The following DEFB1 variants were observed in gnomAD, a reference collection of about 807,000 sequenced individuals.
The protein encoded by DEFB1 is beta-defensin 1.
DEFB1 carries 4 observed loss-of-function variants against 2.6 expected under a neutral mutation model. The observed-to-expected ratio is 1.53, with a 90% CI of 0.76 to 3.51. The LOEUF (loss-of-function observed/expected upper bound fraction) is 3.51. Among genes scored for constraint, DEFB1 ranks in the 30% most tolerant of loss-of-function variants. The probability of loss-of-function intolerance (pLI) is 0.01; values close to 1 mark genes in which losing one functional copy is unlikely to be tolerated. For missense variants in DEFB1, 162 were observed against 76.9 expected, an observed-to-expected ratio of 2.11 and a Z score of -4.14; for synonymous variants, 56 against 28.5, an observed-to-expected ratio of 1.96 and a Z score of -3.07.
chr8:6,873,630 C>A (rs1380997071), intron 1 of DEFB1, among the ~76,000 whole-genome samples: 1 of 152,120 alleles, frequency 6.6e-6, no homozygotes, highest in Non-Finnish European at 1.5e-5. Context: ...CACATGTTCT[C>A]AGTTATAAGT....
chr8:6,873,554 G>T (rs1806402003), intron 1 of DEFB1, among the ~76,000 whole-genome samples: 1 of 152,214 alleles, frequency 6.6e-6, no homozygotes, highest in Admixed American at 6.5e-5. Flanking sequence ...GTCCTTTGCA[G>T]CAACACAGAT....
Position 6,872,173 on chromosome 8 carries a change from C to G in DEFB1, c.62-1347G>C, listed in dbSNP as rs117820177. Among the ~76,000 whole-genome samples the G allele has an allele frequency of 5.1e-3, 768 of 151,954 alleles. 3 individuals are homozygous for G. The highest frequency in any genetic ancestry group is 8.5e-3 in the Non-Finnish European group (578 of 67,960). On this transcript the variant is annotated intron_variant, in intron 1 of 1. Coordinates refer to ENST00000297439, the MANE Select transcript of DEFB1 (RefSeq NM_005218.4). The stretch of plus-strand genomic sequence containing the variant: ...TGTGTTTAAGTTGGCCAGTACACTT[C>G]CCAAAGTTTGAAGCCTGGTATCAAT...
At chr8:6,876,820 A>C (rs1806547538) in intron 1 of DEFB1, among the ~76,000 whole-genome samples, 1 of 94,112 alleles carries the variant, frequency 1.1e-5, no homozygotes. Context: ...AAGCAAAGCA[A>C]AAACAAAAAC....
chr8:6,871,023 GC>G (rs1806292055), intron 1 of DEFB1, among the ~76,000 whole-genome samples, 197 bp from the exon 2 acceptor site: 1 of 152,254 alleles, frequency 6.6e-6, no homozygotes, highest in African/African-American at 2.4e-5. Context: ...GGCTATGCCA[GC>G]TGTGGCCAAA....
chr8:6,877,766 A>C (rs1225095417), intron 1 of DEFB1, 31 bp downstream of exon 1: 18 of 1,594,762 alleles, frequency 1.1e-5, no homozygotes, highest in Non-Finnish European at 1.5e-5. Context: ...AGCCCTGGGG[A>C]TGGGAAACTC....
At chr8:6,876,745 G>C (rs1316629469) in intron 1 of DEFB1, among the ~76,000 whole-genome samples, 1 of 151,094 alleles carries the variant, frequency 6.6e-6, no homozygotes, top group African/African-American at 2.4e-5. Flanking sequence ...AGAGGCTGCA[G>C]TGAGGCGAGA....
At chr8:6,875,045 C>T (rs1248816756) in intron 1 of DEFB1, among the ~76,000 whole-genome samples, 3 of 144,934 alleles carry the variant, frequency 2.1e-5, no homozygotes, top group Admixed American at 7.0e-5. Flanking sequence ...AGTAACTTGA[C>T]CGTTACTTCA....
chr8:6,874,118 TAC>T (rs756827017), intron 1 of DEFB1, among the ~76,000 whole-genome samples: 21 of 120,218 alleles, frequency 1.7e-4, no homozygotes, highest in African/African-American at 5.0e-4. Flanking sequence ...ATATCTGACA[TAC>T]ACACACACAC....
intron 1 of DEFB1, among the ~76,000 whole-genome samples, chr8:6,877,318 C>T (rs1410089341): frequency 6.6e-6 from 1 of 152,190 alleles, no homozygotes; most frequent in African/African-American, 2.4e-5. Flanking sequence ...GGACCGCCTG[C>T]CTGCACAGGA....
At chr8:6,877,548 G>T (rs1806576961) in intron 1 of DEFB1, among the ~76,000 whole-genome samples, 1 of 152,224 alleles carries the variant, frequency 6.6e-6, no homozygotes, top group South Asian at 2.1e-4. Context: ...CCAGGACAAG[G>T]ATGCAGGCAG....
intron 1 of DEFB1, among the ~76,000 whole-genome samples, chr8:6,877,541 G>T (rs906015034): frequency 6.6e-6 from 1 of 152,224 alleles, no homozygotes; most frequent in African/African-American, 2.4e-5. Context: ...TACATGTCCA[G>T]GACAAGGATG....
At chr8:6,870,865 T>C (rs765722783) in intron 1 of DEFB1, 39 bp from the exon 2 acceptor site, 16 of 1,571,716 alleles carry the variant, frequency 1.0e-5, no homozygotes, top group Non-Finnish European at 1.4e-5. Flanking sequence ...ACTCATGGCT[T>C]GTAGCTGCAA....
At chr8:6,875,886 A>T (rs1249578240) in intron 1 of DEFB1, among the ~76,000 whole-genome samples, 1 of 152,190 alleles carries the variant, frequency 6.6e-6, no homozygotes, top group African/African-American at 2.4e-5. Context: ...ATGAAAAGTT[A>T]CCACCATAAA....
intron 1 of DEFB1, among the ~76,000 whole-genome samples, chr8:6,875,750 G>A (rs1806503241): frequency 6.6e-6 from 1 of 152,164 alleles, no homozygotes. Context: ...ATGATCCGGT[G>A]ATGCAACTTT....
At chr8:6,872,129 C>G (rs888045760) in intron 1 of DEFB1, among the ~76,000 whole-genome samples, 1 of 152,122 alleles carries the variant, frequency 6.6e-6, no homozygotes, top group Non-Finnish European at 1.5e-5. Flanking sequence ...CTTCCCAAAC[C>G]TCTTCATTCT....
chr8:6,873,709 C>T (rs1262232740), intron 1 of DEFB1, among the ~76,000 whole-genome samples: 1 of 150,952 alleles, frequency 6.6e-6, no homozygotes, highest in African/African-American at 2.4e-5. Context: ...GGAAAACTAA[C>T]TGTGGGGTAC....
At chr8:6,872,547 A>C (rs928941059) in intron 1 of DEFB1, among the ~76,000 whole-genome samples, 2 of 152,128 alleles carry the variant, frequency 1.3e-5, no homozygotes, top group Admixed American at 6.5e-5. Context: ...GAGGTTTGGG[A>C]AGGGCCCGGA....
intron 1 of DEFB1, among the ~76,000 whole-genome samples, chr8:6,876,278 C>T (rs5743439): frequency 6.6e-6 from 1 of 151,948 alleles, no homozygotes; most frequent in East Asian, 1.9e-4. Flanking sequence ...AGTTAAAGAC[C>T]AGCATGACCA....
intron 1 of DEFB1, among the ~76,000 whole-genome samples, chr8:6,876,550 C>T (rs978420837): frequency 6.6e-6 from 1 of 151,972 alleles, no homozygotes; most frequent in Non-Finnish European, 1.5e-5. Flanking sequence ...AATCCCAGAA[C>T]TTTGGGAGTC....
Sources: gnomAD v4.1 joint callset for allele counts (sites outside exome capture counted in the v4.1 genomes callset) on GRCh38, gnomAD v4.1.1 for gene constraint, MANE v1.5 for transcripts, NCBI Gene and HGNC (gene_info 2026-07-23, HGNC 2026-07-21) for gene names.